The following ROBO1 variants were observed in gnomAD, a reference collection of about 807,000 sequenced individuals.
The protein encoded by ROBO1 is roundabout guidance receptor 1, also known as roundabout homolog 1.
ROBO1 carries 149 observed loss-of-function variants against 195.9 expected under a neutral mutation model. The observed-to-expected ratio is 0.76, with a 90% CI of 0.67 to 0.87. The LOEUF (loss-of-function observed/expected upper bound fraction) is 0.87. Ranked by LOEUF, ROBO1 falls within the 40% of genes least tolerant of loss-of-function variation. ROBO1 has a pLI of 0.00. For synonymous variants in ROBO1, 816 were observed against 733.2 expected, an observed-to-expected ratio of 1.11 and a Z score of -1.82; for missense variants, 1,933 against 2,068.3, an observed-to-expected ratio of 0.93 and a Z score of 1.27.
At chr3:79,190,502 A>G (rs1158872091) in intron 2 of ROBO1, among the ~76,000 whole-genome samples, 3 of 151,610 alleles carry the variant, frequency 2.0e-5, no homozygotes. Context: ...GCAGAAGGGT[A>G]GATTACTCTT....
chr3:79,341,181 T>C (rs1272614458), intron 2 of ROBO1, among the ~76,000 whole-genome samples: 1 of 152,230 alleles, frequency 6.6e-6, no homozygotes, highest in Non-Finnish European at 1.5e-5. Context: ...GAACTAAGTA[T>C]GCTTATAGCA....
intron 2 of ROBO1, among the ~76,000 whole-genome samples, chr3:79,446,496 T>A (rs576912837): frequency 2.9e-4 from 44 of 152,312 alleles, no homozygotes; most frequent in African/African-American, 1.0e-3. Flanking sequence ...CTGCAATTAG[T>A]GTTGCTTATA....
intron 3 of ROBO1, among the ~76,000 whole-genome samples, chr3:78,986,777 GAC>G (rs1404693944): frequency 6.6e-6 from 1 of 152,052 alleles, no homozygotes; most frequent in East Asian, 1.9e-4. Flanking sequence ...TACTGGGGTT[GAC>G]GGGGGAAAAA....
intron 3 of ROBO1, among the ~76,000 whole-genome samples, chr3:79,044,342 TTAAAA>T (rs2078549297): frequency 6.6e-6 from 1 of 152,026 alleles, no homozygotes; most frequent in African/African-American, 2.4e-5. Flanking sequence ...AATAAATGAG[TTAAAA>T]TAAAGGTCCT....
chr3:78,758,724 T>G (rs546220314), intron 4 of ROBO1, among the ~76,000 whole-genome samples: 47 of 152,046 alleles, frequency 3.1e-4, no homozygotes, highest in African/African-American at 1.1e-3. Flanking sequence ...GGAAATAGAG[T>G]GTTTACAATG....
intron 28 of ROBO1, among the ~76,000 whole-genome samples, chr3:78,613,308 T>C (rs1369470099): frequency 6.6e-6 from 1 of 152,176 alleles, no homozygotes; most frequent in East Asian, 1.9e-4. Context: ...TGAGAAGCAC[T>C]CTCTTCTAGA....
chr3:79,438,492 C>G (rs2038956501), intron 2 of ROBO1, among the ~76,000 whole-genome samples: 1 of 151,944 alleles, frequency 6.6e-6, no homozygotes, highest in South Asian at 2.1e-4. Context: ...GAGTTAAAAA[C>G]TGGAATATTT....
intron 1 of ROBO1, among the ~76,000 whole-genome samples, chr3:79,625,019 C>A (rs1945124532): frequency 6.6e-6 from 1 of 152,114 alleles, no homozygotes. Flanking sequence ...ACAGTGCAAT[C>A]AAGTTAGAAC....
intron 9 of ROBO1, among the ~76,000 whole-genome samples, chr3:78,686,554 C>CAAAAA (rs11356574): frequency 7.6e-6 from 1 of 132,212 alleles, no homozygotes. Context: ...GACTTTGTCT[C>CAAAAA]AAAAAAAAAA....
intron 1 of ROBO1, among the ~76,000 whole-genome samples, chr3:79,737,787 A>C (rs777030099): frequency 2.0e-5 from 3 of 152,228 alleles, no homozygotes; most frequent in Non-Finnish European, 4.4e-5. Context: ...AGTGCTTTCC[A>C]GCTCACCAAA....
intron 4 of ROBO1, among the ~76,000 whole-genome samples, chr3:78,936,156 A>T (rs998422069): frequency 5.3e-5 from 8 of 152,066 alleles, no homozygotes; most frequent in Non-Finnish European, 1.2e-4. Context: ...ACAATAGACA[A>T]AAATATTATT....
At chr3:79,320,210 C>T (rs2033916544) in intron 2 of ROBO1, among the ~76,000 whole-genome samples, 1 of 152,170 alleles carries the variant, frequency 6.6e-6, no homozygotes, top group Non-Finnish European at 1.5e-5. Flanking sequence ...GTCAGTCTCT[C>T]ATTGTATGCT....
intron 2 of ROBO1, among the ~76,000 whole-genome samples, chr3:79,251,458 A>T (rs2082727192): frequency 6.6e-6 from 1 of 152,168 alleles, no homozygotes; most frequent in Admixed American, 6.5e-5. Context: ...TGCATTAAAA[A>T]TTTAGGTGAC....
At chr3:79,584,253 A>AT (rs1943747486) in intron 2 of ROBO1, among the ~76,000 whole-genome samples, 1 of 144,620 alleles carries the variant, frequency 6.9e-6, no homozygotes. Context: ...AGGTACATGT[A>AT]ATATATATAT....
chr3:79,391,289 T>C (rs556418154), intron 2 of ROBO1, among the ~76,000 whole-genome samples: 1 of 151,984 alleles, frequency 6.6e-6, no homozygotes, highest in Non-Finnish European at 1.5e-5. Flanking sequence ...TGAGACTCCA[T>C]CTCAAATAAA....
intron 3 of ROBO1, among the ~76,000 whole-genome samples, chr3:79,003,957 G>A (rs774355394): frequency 2.6e-5 from 4 of 152,072 alleles, no homozygotes; most frequent in East Asian, 1.9e-4. Context: ...TGGCAGATTC[G>A]AAGCCAGCAA....
intron 1 of ROBO1, among the ~76,000 whole-genome samples, chr3:79,677,589 A>C (rs1344843969): frequency 5.3e-5 from 8 of 152,042 alleles, no homozygotes; most frequent in African/African-American, 1.7e-4. Flanking sequence ...TCTCCCCCAC[A>C]ACACGTGGGA....
At chr3:78,818,132 A>G (rs959540772) in intron 4 of ROBO1, among the ~76,000 whole-genome samples, 3 of 152,148 alleles carry the variant, frequency 2.0e-5, no homozygotes, top group Admixed American at 2.0e-4. Context: ...TCCTCCCTCA[A>G]TCTTTTATAA....
chr3:78,634,026 G>A lies in ROBO1; in HGVS notation c.3390C>T (p.Asp1130=). 6.2e-7 allele frequency: 1 copy of A among 1,609,108 alleles called. No individual in the cohort carries two copies. The highest frequency in any genetic ancestry group is 8.5e-7 in the Non-Finnish European group (1 of 1,176,742). The change falls in exon 24 of 31, where the codon GAC becomes GAT. Residue 1130 remains aspartate, a synonymous_variant. Coordinates refer to ENST00000464233, the MANE Select transcript of ROBO1 (RefSeq NM_002941.4). ...TGTATGGGATAGTTGGAGGAACTGT[G>A]TCATTTGCTCGATAATCTAGACATA... The part of the protein sequence containing the change: ...NKLNKDYRAN[D]TVPPTIPYNQ...
Sources: allele counts gnomAD v4.1 joint callset (sites outside exome capture counted in the v4.1 genomes callset), GRCh38; gene constraint gnomAD v4.1.1; transcripts MANE v1.5; gene names NCBI Gene and HGNC (gene_info 2026-07-23, HGNC 2026-07-21).